Variants in CLASP1 observed in about 807,000 individuals in gnomAD.
The protein encoded by CLASP1 is CLIP-associating protein 1.
CLASP1 carries 38 observed loss-of-function variants against 192.3 expected under a neutral mutation model. The ratio of observed to expected loss-of-function variants is 0.20; its 90% CI spans 0.15 to 0.26. The LOEUF (loss-of-function observed/expected upper bound fraction) is 0.26. Ranked by LOEUF, CLASP1 falls within the 10% of genes least tolerant of loss-of-function variation. CLASP1 has a pLI of 1.00. For missense variants in CLASP1, 1,433 were observed against 1,932.5 expected, an observed-to-expected ratio of 0.74 and a Z score of 4.85; for synonymous variants, 691 against 712.8, an observed-to-expected ratio of 0.97 and a Z score of 0.49.
intron 6 of CLASP1, among the ~76,000 whole-genome samples, chr2:121,516,629 CTG>C (rs2150354980): frequency 6.6e-6 from 1 of 152,330 alleles, no homozygotes; most frequent in East Asian, 1.9e-4. Context: ...TTACACATCA[CTG>C]TATCCATGTT....
At chr2:121,523,387 C>T (rs1420838304) in intron 6 of CLASP1, among the ~76,000 whole-genome samples, 1 of 152,020 alleles carries the variant, frequency 6.6e-6, no homozygotes, top group Non-Finnish European at 1.5e-5. Flanking sequence ...ACAAGTTAAC[C>T]CTAGATCTAA....
intron 33 of CLASP1, among the ~76,000 whole-genome samples, 163 bp downstream of exon 34, chr2:121,382,045 C>A (rs1364321217): frequency 6.6e-6 from 1 of 152,174 alleles, no homozygotes; most frequent in East Asian, 1.9e-4. Context: ...GCAAAGATCA[C>A]ACACCTGCTC....
chr2:121,601,214 C>T (rs1232329703), intron 2 of CLASP1, among the ~76,000 whole-genome samples: 2 of 151,898 alleles, frequency 1.3e-5, no homozygotes, highest in Non-Finnish European at 2.9e-5. Flanking sequence ...GATTTCATAG[C>T]CCTTAAAAAT....
At chr2:121,527,051 G>A (rs1253815588) in intron 5 of CLASP1, among the ~76,000 whole-genome samples, 1 of 152,224 alleles carries the variant, frequency 6.6e-6, no homozygotes, top group African/African-American at 2.4e-5. Context: ...ATGTAAAACA[G>A]TATGGACAAC....
chr2:121,461,046 T>G, intron 11 of CLASP1, 55 bp downstream of exon 11: 2 of 1,040,238 alleles, frequency 1.9e-6, no homozygotes, highest in Non-Finnish European at 2.9e-6. Flanking sequence ...ATAAAGTATT[T>G]GAGATATTTA....
intron 2 of CLASP1, among the ~76,000 whole-genome samples, chr2:121,582,759 T>C (rs1409019163): frequency 6.6e-6 from 1 of 151,256 alleles, no homozygotes; most frequent in Admixed American, 6.6e-5. Flanking sequence ...TCAAAAGGTG[T>C]TTTTCTTTTC....
chr2:121,592,668 G>GT (rs2105765082), intron 2 of CLASP1, among the ~76,000 whole-genome samples: 1 of 151,336 alleles, frequency 6.6e-6, no homozygotes, highest in African/African-American at 2.4e-5. Flanking sequence ...TTGTTTTTTT[G>GT]TTTGAGACAG....
rs1159284078 is a variant in CLASP1, at chr2:121,384,007, T to TATATACAC, written c.3375-1684_3375-1683insGTGTATAT. On this transcript the variant is annotated intron_variant, in intron 32 of 39. Coordinates refer to ENST00000263710, the Ensembl canonical transcript of CLASP1. ...CACTGGTGAGATATATATATATATA[T>TATATACAC]ACACACACACACACACACACACACA... Among the ~76,000 whole-genome samples the TATATACAC allele has an allele frequency of 7.1e-4, 99 of 139,720 alleles. No homozygotes were observed. In the East Asian group the frequency reaches 0.015, roughly 21 times the overall value. 91.7% of individuals were successfully genotyped at this position (139,720 alleles called of 152,430 possible). A position where few individuals can be genotyped will look rare whatever the true frequency, so the allele number is the denominator to read the frequency against.
chr2:121,469,947 G>A (rs762238432), exon 9 of CLASP1: 44 of 1,610,750 alleles, frequency 2.7e-5, no homozygotes, highest in South Asian at 1.9e-4. Context: ...AATCTTCATC[G>A]TCGAAATTTT....
Position 121,409,749 on chromosome 2 carries a change from A to G in CLASP1, c.2424+1117T>C, listed in dbSNP as rs116485164. Among the ~76,000 whole-genome samples the G allele has an allele frequency of 7.3e-3, 1,115 of 152,320 alleles. 11 individuals carry two copies. The highest frequency in any genetic ancestry group is 0.026 in the African/African-American group (1,066 of 41,572). On this transcript the variant is annotated intron_variant, in intron 24 of 39. Transcript: ENST00000263710. ...CTAAATGCTGCAACTTGGAAGGACA[A>G]ACAGCTTCAGATAATTCTGTTCCAG...
In CLASP1 at chr2:121,525,992, C is replaced by T. The variant is rs894404073; in HGVS notation, c.471-72G>A. 1.7e-5 allele frequency: 18 copies of T among 1,069,904 alleles called. No homozygotes were observed. The African/African-American group carries it at 1.9e-4, about 11-fold the overall frequency. 66.3% of individuals were successfully genotyped at this position (1,069,904 alleles called of 1,614,324 possible). On this transcript the variant is annotated intron_variant, in intron 5 of 39. Coordinates refer to ENST00000263710, the Ensembl canonical transcript of CLASP1. ...AAAGAAAGATGCCTGTCTGCCCACA[C>T]CTGCCCTTCCCGTGTCTCCCCAATC...
chr2:121,462,694 T>C (rs920451854), intron 9 of CLASP1, 89 bp from the exon 10 acceptor site: 6 of 754,894 alleles, frequency 7.9e-6, no homozygotes, highest in Non-Finnish European at 1.1e-5. Context: ...ACAATCAAAA[T>C]TACATTTTGG....
chr2:121,372,394 T>C (rs1447378839), intron 34 of CLASP1, among the ~76,000 whole-genome samples: 1 of 152,056 alleles, frequency 6.6e-6, no homozygotes, highest in Non-Finnish European at 1.5e-5. Flanking sequence ...TTTCACTTAC[T>C]TTTCTTTAGT....
At chr2:121,398,333 G>T in exon 29 of CLASP1, 1 of 1,595,934 alleles carries the variant, frequency 6.3e-7, no homozygotes, top group East Asian at 2.2e-5. Context: ...TTGAGGTTTG[G>T]AGTTTGAGTT....
chr2:121,462,481 G>A (rs2088295497), intron 10 of CLASP1, 51 bp downstream of exon 10: 2 of 1,023,052 alleles, frequency 2.0e-6, no homozygotes, highest in South Asian at 1.5e-5. Context: ...AATAAAACTT[G>A]AAGAGTAAGT....
In CLASP1 at chr2:121,643,166, A is replaced by C. The variant is rs568579420; in HGVS notation, c.-286+6206T>G. On this transcript the variant is annotated intron_variant, in intron 1 of 39. Coordinates refer to ENST00000263710, the Ensembl canonical transcript of CLASP1. Reference sequence around the variant, plus strand: ...TCTAGATTTCTTTCCCCAAAAGATCAATCTTAACAGATACACAAAAATATA... The same window carrying C: ...TCTAGATTTCTTTCCCCAAAAGATCCATCTTAACAGATACACAAAAATATA... 2.0e-3 allele frequency among the ~76,000 whole-genome samples: 299 copies of C among 152,372 alleles called. 1 individual carries two copies. Among genetic ancestry groups the C allele is most frequent in the African/African-American group, 6.9e-3 (287 of 41,598 alleles).
chr2:121,387,889 T>C (rs147117155), exon 31 of CLASP1: 66 of 1,611,076 alleles, frequency 4.1e-5, no homozygotes, highest in Admixed American at 4.0e-4. Flanking sequence ...ACAGAGAGAT[T>C]AGCACAATCT....
At chr2:121,641,892 G>A (rs572928546) in intron 1 of CLASP1, among the ~76,000 whole-genome samples, 24 of 152,218 alleles carry the variant, frequency 1.6e-4, no homozygotes, top group Non-Finnish European at 3.2e-4. Context: ...GGATGTGCTG[G>A]TGTGCACCTA....
intron 21 of CLASP1, among the ~76,000 whole-genome samples, chr2:121,427,162 A>T (rs1222412882): frequency 6.6e-6 from 1 of 152,180 alleles, no homozygotes; most frequent in Non-Finnish European, 1.5e-5. Context: ...AAAACCAATG[A>T]AGAATTTGTC....
Sources: gnomAD v4.1 joint callset for allele counts (sites outside exome capture counted in the v4.1 genomes callset) on GRCh38, gnomAD v4.1.1 for gene constraint, MANE v1.5 for transcripts, NCBI Gene and HGNC (gene_info 2026-07-23, HGNC 2026-07-21) for gene names.